PLA2G5: variants seen among roughly 807,000 people sequenced by gnomAD.
PLA2G5 encodes Ca2+-dependent phospholipase A2.
Under a neutral mutation model 15.9 loss-of-function variants are expected in PLA2G5, and 12 were observed. That is an observed-to-expected ratio of 0.76 (90% confidence interval 0.48 to 1.23). The LOEUF (loss-of-function observed/expected upper bound fraction) is 1.23, where lower values mean the gene tolerates loss of function less well. Ranked by LOEUF, PLA2G5 falls within the 50% of genes most tolerant of loss-of-function variation. The probability of loss-of-function intolerance (pLI) is 0.00; values close to 1 mark genes in which losing one functional copy is unlikely to be tolerated. For synonymous variants in PLA2G5, 71 were observed against 71.4 expected, an observed-to-expected ratio of 0.99 and a Z score of 0.03; for missense variants, 169 against 177.1, an observed-to-expected ratio of 0.95 and a Z score of 0.26.
At chr1:20,078,995 A>G (rs767691651) in intron 1 of PLA2G5, among the ~76,000 whole-genome samples, 23 of 152,048 alleles carry the variant, frequency 1.5e-4, no homozygotes, top group Middle Eastern at 6.8e-3. Flanking sequence ...CTGTAGTCTC[A>G]GCTACTCGAG....
intron 1 of PLA2G5, among the ~76,000 whole-genome samples, chr1:20,037,328 C>T (rs953896552): frequency 6.6e-6 from 1 of 152,104 alleles, no homozygotes; most frequent in African/African-American, 2.4e-5. Flanking sequence ...TATTGTTCTT[C>T]TGGGTCTAGC....
chr1:20,051,817 C>CTGAG (rs1424292233), intron 1 of PLA2G5, among the ~76,000 whole-genome samples: 9 of 152,218 alleles, frequency 5.9e-5, no homozygotes, highest in African/African-American at 1.9e-4. Flanking sequence ...GGTTCCTGAC[C>CTGAG]TGAGGTAAGT....
chr1:20,083,967 A>G (rs982450829), intron 1 of PLA2G5, among the ~76,000 whole-genome samples: 8 of 151,918 alleles, frequency 5.3e-5, no homozygotes, highest in African/African-American at 1.9e-4. Flanking sequence ...AATTTTATAA[A>G]TTCTTTTAAA....
At chr1:20,076,044 G>A (rs1339842850) in intron 1 of PLA2G5, among the ~76,000 whole-genome samples, 1 of 151,846 alleles carries the variant, frequency 6.6e-6, no homozygotes, top group Non-Finnish European at 1.5e-5. Context: ...GCTAATTTTT[G>A]TACTTTTTAG....
chr1:20,054,756 G>A (rs1053670938), intron 1 of PLA2G5: 11 of 151,956 alleles, frequency 7.2e-5, no homozygotes, highest in Non-Finnish European at 1.0e-4. Flanking sequence ...TGCTTTAGTC[G>A]GTGACCTGTA....
chr1:20,073,789 G>A (rs1413424216), intron 1 of PLA2G5, among the ~76,000 whole-genome samples: 2 of 151,968 alleles, frequency 1.3e-5, no homozygotes, highest in Non-Finnish European at 2.9e-5. Context: ...AGAATCACTT[G>A]AACCTGAGAG....
chr1:20,073,087 C>G (rs1189659053), intron 1 of PLA2G5, among the ~76,000 whole-genome samples: 4 of 152,074 alleles, frequency 2.6e-5, no homozygotes, highest in African/African-American at 9.7e-5. Context: ...GTGATCTTGC[C>G]AGGCAGAGTG....
intron 2 of PLA2G5, among the ~76,000 whole-genome samples, chr1:20,063,875 C>G (rs754196300): frequency 1.3e-5 from 2 of 152,200 alleles, no homozygotes; most frequent in Non-Finnish European, 2.9e-5. Context: ...ACCACCTTCT[C>G]TCATCATGTT....
At chr1:20,045,968 T>C (rs2013880156) in intron 1 of PLA2G5, 1 of 152,218 alleles carries the variant, frequency 6.6e-6, no homozygotes, top group Admixed American at 6.5e-5. Context: ...TCCTTTTTTT[T>C]TGAGTTTTAC....
At chr1:20,061,733 C>T (rs868343234) in intron 2 of PLA2G5, among the ~76,000 whole-genome samples, 2 of 152,232 alleles carry the variant, frequency 1.3e-5, no homozygotes, top group South Asian at 4.1e-4. Flanking sequence ...CACCTCCTAT[C>T]CTTCCTTCAG....
intron 1 of PLA2G5, among the ~76,000 whole-genome samples, chr1:20,032,157 T>C (rs2012989909): frequency 6.6e-6 from 1 of 152,180 alleles, no homozygotes; most frequent in African/African-American, 2.4e-5. Flanking sequence ...AAAAGGGCAA[T>C]GGCCTGCTTA....
intron 1 of PLA2G5, among the ~76,000 whole-genome samples, chr1:20,083,546 T>G (rs974968765): frequency 6.6e-5 from 10 of 151,782 alleles, no homozygotes; most frequent in African/African-American, 2.4e-4. Context: ...GCAAGGAACC[T>G]CTGAGAAGCC....
intron 1 of PLA2G5, among the ~76,000 whole-genome samples, chr1:20,082,412 C>T (rs929418817): frequency 6.6e-6 from 1 of 151,898 alleles, no homozygotes; most frequent in East Asian, 1.9e-4. Context: ...GCCGAACGTC[C>T]CTAGCAGGTC....
Position 20,090,686 on chromosome 1 carries a change from C to A in PLA2G5, c.411C>A (p.Cys137Ter), listed in dbSNP as rs1335392713. Reference protein sequence around the residue: ...PQYQYFPNILCS With the variant: ...PQYQYFPNIL ...ACCAATACTTTCCCAACATCCTCTG[C>A]TCCTAGGCCTCCCCAGCGAGCTCCT... The change falls in exon 5 of 5, where the codon TGC becomes TGA. Residue 137 changes from cysteine (C) to a stop codon, truncating the protein, a stop_gained. Transcript: ENST00000375108. LOFTEE classifies it high-confidence loss of function. The A allele has an allele frequency of 6.2e-7, 1 of 1,614,004 alleles. No individual in the cohort carries two copies. The highest frequency in any genetic ancestry group is 1.3e-5 in the African/African-American group (1 of 74,932).
At chr1:20,055,476 C>T (rs930828312) in intron 1 of PLA2G5, among the ~76,000 whole-genome samples, 30 of 152,300 alleles carry the variant, frequency 2.0e-4, no homozygotes, top group African/African-American at 7.0e-4. Context: ...GCTTTTCTTA[C>T]TGCCCACTGG....
chr1:20,074,959 C>T (rs968664172), intron 1 of PLA2G5, among the ~76,000 whole-genome samples: 1 of 152,212 alleles, frequency 6.6e-6, no homozygotes, highest in African/African-American at 2.4e-5. Flanking sequence ...TCCTAAGCCT[C>T]CTCACATGGG....
intron 1 of PLA2G5, among the ~76,000 whole-genome samples, chr1:20,057,397 T>C (rs1417872479): frequency 6.6e-6 from 1 of 152,108 alleles, no homozygotes; most frequent in African/African-American, 2.4e-5. Context: ...CCATAAATTT[T>C]TTGGGGGGTA....
chr1:20,058,020 G>A (rs1278789873), intron 1 of PLA2G5, among the ~76,000 whole-genome samples: 1 of 152,088 alleles, frequency 6.6e-6, no homozygotes, highest in Non-Finnish European at 1.5e-5. Flanking sequence ...TTTTACACTT[G>A]TTAAGGTATG....
At position 20,041,824 on chromosome 1, in the gene PLA2G5, G is replaced by A. The variant is rs2013617850; in HGVS notation, n.276+13115G>A. Among the ~76,000 whole-genome samples the A allele has an allele frequency of 3.9e-5, 6 of 152,130 alleles. No individual in the cohort carries two copies. The South Asian group carries it at 1.2e-3, about 32-fold the overall frequency. Reference sequence around the variant, plus strand: ...GGGAGTAGGTGGGAGTGACCAAAGAGAAGGAGAAAAACTGGCAGTGAGGGA... The same window carrying A: ...GGGAGTAGGTGGGAGTGACCAAAGAAAAGGAGAAAAACTGGCAGTGAGGGA... On this transcript the variant is annotated intron_variant and non_coding_transcript_variant, in intron 1 of 6. Transcript: ENST00000460175.
Sources: gnomAD v4.1 joint callset for allele counts (sites outside exome capture counted in the v4.1 genomes callset) on GRCh38, gnomAD v4.1.1 for gene constraint, MANE v1.5 for transcripts, NCBI Gene and HGNC (gene_info 2026-07-23, HGNC 2026-07-21) for gene names.